The following ESRRG variants were observed in gnomAD, a reference collection of about 807,000 sequenced individuals.
The protein encoded by ESRRG is estrogen related receptor gamma, also known as estrogen-related receptor gamma.
A neutral mutation model predicts 44.0 loss-of-function variants in ESRRG; 13 were observed. That is an observed-to-expected ratio of 0.30 (90% CI 0.19 to 0.47). The LOEUF is 0.47. ESRRG is among the 20% of genes least tolerant of loss of function. The probability of loss-of-function intolerance (pLI) is 1.00; values close to 1 mark genes in which losing one functional copy is unlikely to be tolerated. For synonymous variants in ESRRG, 215 were observed against 214.6 expected (o/e 1.00, Z -0.02); for missense variants, 395 against 580.6 (o/e 0.68, Z 3.29).
chr1:216,509,662 G>C (rs1054490887), intron 6 of ESRRG, among the ~76,000 whole-genome samples: 2 of 152,176 alleles, frequency 1.3e-5, no homozygotes, highest in African/African-American at 4.8e-5. Context: ...TCAAGGCTGT[G>C]ATTTAGCATG....
At chr1:216,828,354 T>A (rs1052417284) in intron 2 of ESRRG, among the ~76,000 whole-genome samples, 1 of 152,208 alleles carries the variant, frequency 6.6e-6, no homozygotes, top group East Asian at 1.9e-4. Context: ...TTTATTTACC[T>A]GTTCGTTTGG....
intron 2 of ESRRG, among the ~76,000 whole-genome samples, chr1:216,877,347 C>A (rs180679246): frequency 6.6e-6 from 1 of 151,270 alleles, no homozygotes; most frequent in Admixed American, 6.6e-5. Context: ...GGTATTCTTG[C>A]AAAGTATGCA....
At chr1:216,616,196 C>T (rs1264736814) in intron 3 of ESRRG, among the ~76,000 whole-genome samples, 2 of 152,106 alleles carry the variant, frequency 1.3e-5, no homozygotes, top group Non-Finnish European at 2.9e-5. Context: ...ACTGTGTGCC[C>T]ACAGAGACTT....
intron 1 of ESRRG, among the ~76,000 whole-genome samples, chr1:217,039,532 G>A (rs1246583282): frequency 6.6e-6 from 1 of 152,090 alleles, no homozygotes; most frequent in Non-Finnish European, 1.5e-5. Context: ...AAAACCATCA[G>A]CTCTCGTGAG....
At chr1:216,650,904 G>A (rs535818734) in intron 3 of ESRRG, 69 bp downstream of exon 3, 19 of 891,272 alleles carry the variant, frequency 2.1e-5, no homozygotes, top group Middle Eastern at 4.3e-4. Context: ...CTCTAAAACT[G>A]GTGGAATTTT....
At chr1:217,109,982 C>A (rs993870973) in intron 1 of ESRRG, among the ~76,000 whole-genome samples, 1 of 152,090 alleles carries the variant, frequency 6.6e-6, no homozygotes, top group Non-Finnish European at 1.5e-5. Context: ...TAAATCATCC[C>A]TGTTTATTTA....
At chr1:216,687,924 C>A (rs80344822) in intron 1 of ESRRG, among the ~76,000 whole-genome samples, 1 of 152,106 alleles carries the variant, frequency 6.6e-6, no homozygotes. Flanking sequence ...TACATCACAT[C>A]AAAGTCCTTC....
At chr1:216,751,995 C>T (rs560224040) in intron 2 of ESRRG, among the ~76,000 whole-genome samples, 9 of 152,184 alleles carry the variant, frequency 5.9e-5, no homozygotes, top group South Asian at 4.1e-4. Flanking sequence ...ACTCTCTACA[C>T]GATAAAGGCC....
At chr1:217,116,861 A>G (rs967655084) in intron 1 of ESRRG, among the ~76,000 whole-genome samples, 5 of 152,176 alleles carry the variant, frequency 3.3e-5, no homozygotes, top group African/African-American at 9.7e-5. Flanking sequence ...CTATTAAAGG[A>G]TTGAGGATAA....
chr1:216,972,692 C>A (rs1293224919), intron 1 of ESRRG, among the ~76,000 whole-genome samples: 1 of 152,152 alleles, frequency 6.6e-6, no homozygotes, highest in Non-Finnish European at 1.5e-5. Context: ...TCTGCTCTGC[C>A]AATGACTGGC....
At chr1:216,662,292 T>C (rs991346321) in intron 2 of ESRRG, among the ~76,000 whole-genome samples, 2 of 152,132 alleles carry the variant, frequency 1.3e-5, no homozygotes, top group South Asian at 4.1e-4. Flanking sequence ...AAAGAACTGA[T>C]GTCTGAGTCA....
intron 1 of ESRRG, among the ~76,000 whole-genome samples, chr1:216,943,960 GA>G (rs1424501396): frequency 6.6e-6 from 1 of 152,142 alleles, no homozygotes; most frequent in Non-Finnish European, 1.5e-5. Flanking sequence ...CCCCTGCCAG[GA>G]AACTTGCTCT....
intron 1 of ESRRG, chr1:216,701,296 A>C (rs1397567032): frequency 6.6e-6 from 1 of 152,156 alleles, no homozygotes; most frequent in African/African-American, 2.4e-5. Context: ...TCCCAAAATA[A>C]AGTGCATTAT....
chr1:217,106,862 C>G (rs531412315), intron 1 of ESRRG, among the ~76,000 whole-genome samples: 25 of 152,290 alleles, frequency 1.6e-4, no homozygotes, highest in African/African-American at 5.8e-4. Flanking sequence ...TCATGGCAAA[C>G]AATAGATTCT....
intron 3 of ESRRG, among the ~76,000 whole-genome samples, chr1:216,621,288 T>C (rs954362601): frequency 6.6e-6 from 1 of 152,226 alleles, no homozygotes; most frequent in Admixed American, 6.5e-5. Flanking sequence ...GTCTAGTTCA[T>C]GGCACTACTA....
chr1:217,054,108 C>T (rs1462868252), intron 1 of ESRRG, among the ~76,000 whole-genome samples: 1 of 151,356 alleles, frequency 6.6e-6, no homozygotes, highest in Non-Finnish European at 1.5e-5. Context: ...GCCCATTGTA[C>T]ATCAGGTGCT....
At chr1:217,022,704 C>T (rs138918928) in intron 1 of ESRRG, among the ~76,000 whole-genome samples, 2 of 152,248 alleles carry the variant, frequency 1.3e-5, no homozygotes, top group Admixed American at 1.3e-4. Flanking sequence ...AGTAAAATGG[C>T]CCTTCTAGGG....
In ESRRG at chr1:216,921,554, CT is replaced by C. The variant is rs1294406225; in HGVS notation, c.-14+18027del. Among the ~76,000 whole-genome samples, 5 of 152,080 alleles carry C rather than the reference CT, an allele frequency of 3.3e-5. No homozygotes were observed. The South Asian group carries it at 1.0e-3, about 31-fold the overall frequency. Reference sequence around the variant, plus strand: ...TGGTGACAGCCTCTGCACTTCTTCACTTTGCACTCTTCCCCAGACACCTAGG... The same window carrying C: ...TGGTGACAGCCTCTGCACTTCTTCACTTGCACTCTTCCCCAGACACCTAGG... On this transcript the variant is annotated intron_variant, in intron 2 of 7. Coordinates refer to the ESRRG transcript ENST00000359162.
chr1:216,837,357 G>A (rs986990501), intron 2 of ESRRG, among the ~76,000 whole-genome samples: 1 of 150,230 alleles, frequency 6.7e-6, no homozygotes, highest in Non-Finnish European at 1.5e-5. Context: ...CTTGCCATAA[G>A]CCAAGATCGT....
Sources: allele counts gnomAD v4.1 joint callset (sites outside exome capture counted in the v4.1 genomes callset), GRCh38; gene constraint gnomAD v4.1.1; transcripts MANE v1.5; gene names NCBI Gene and HGNC (gene_info 2026-07-23, HGNC 2026-07-21).